ERBB4: variants seen among roughly 807,000 people sequenced by gnomAD.
ERBB4 encodes the protein erb-b2 receptor tyrosine kinase 4.
A neutral mutation model predicts 158.0 loss-of-function variants in ERBB4; 42 were observed. That is an observed-to-expected ratio of 0.27 (90% CI 0.21 to 0.34). The LOEUF (loss-of-function observed/expected upper bound fraction) is 0.34, where lower values mean the gene tolerates loss of function less well. ERBB4 is among the 10% of genes least tolerant of loss of function. The pLI, the probability that ERBB4 is intolerant of heterozygous loss-of-function variation, is 1.00. For missense variants in ERBB4, 1,333 were observed against 1,624.1 expected (o/e 0.82, Z 3.08); for synonymous variants, 583 against 558.7 (o/e 1.04, Z -0.61).
chr2:211,807,390 G>A (rs984994563), intron 3 of ERBB4, among the ~76,000 whole-genome samples: 3 of 152,104 alleles, frequency 2.0e-5, no homozygotes, highest in African/African-American at 7.2e-5. Flanking sequence ...GAGAACACGC[G>A]ATGTTTGGTT....
chr2:211,567,238 G>A (rs1396865193), intron 19 of ERBB4, among the ~76,000 whole-genome samples: 3 of 152,076 alleles, frequency 2.0e-5, no homozygotes, highest in Non-Finnish European at 2.9e-5. Context: ...GTACTGTTAC[G>A]ACAGTAGAAA....
At chr2:211,907,929 A>G (rs973486362) in intron 3 of ERBB4, among the ~76,000 whole-genome samples, 17 of 151,872 alleles carry the variant, frequency 1.1e-4, no homozygotes, top group African/African-American at 3.9e-4. Context: ...AGCATGTTTT[A>G]TCTTGCAGAG....
chr2:211,537,229 T>C (rs1036513931), intron 20 of ERBB4, among the ~76,000 whole-genome samples: 19 of 152,034 alleles, frequency 1.2e-4, no homozygotes, highest in African/African-American at 4.6e-4. Context: ...AAAGATATTA[T>C]GCATTTTTCC....
At chr2:212,515,049 A>C (rs567662309) in intron 1 of ERBB4, among the ~76,000 whole-genome samples, 12 of 152,344 alleles carry the variant, frequency 7.9e-5, no homozygotes, top group African/African-American at 2.6e-4. Context: ...TATAATAGGA[A>C]ATATAAAATG....
chr2:211,465,246 G>A (rs1288043103), intron 20 of ERBB4, among the ~76,000 whole-genome samples: 1 of 151,592 alleles, frequency 6.6e-6, no homozygotes, highest in East Asian at 1.9e-4. Flanking sequence ...TAGGTGAGAG[G>A]CTATCTTGAA....
At chr2:212,027,831 T>A (rs190919420) in intron 2 of ERBB4, among the ~76,000 whole-genome samples, 39 of 152,272 alleles carry the variant, frequency 2.6e-4, no homozygotes, top group African/African-American at 9.4e-4. Context: ...TTTATTTTTT[T>A]TTCAATATTT....
chr2:211,588,136 A>G (rs1054043918), intron 19 of ERBB4, among the ~76,000 whole-genome samples: 3 of 152,178 alleles, frequency 2.0e-5, no homozygotes, highest in Non-Finnish European at 2.9e-5. Flanking sequence ...CTTTTTGTGT[A>G]TTAAGAAGAA....
chr2:211,928,245 G>A (rs2080072810), intron 3 of ERBB4, among the ~76,000 whole-genome samples: 1 of 152,092 alleles, frequency 6.6e-6, no homozygotes, highest in Non-Finnish European at 1.5e-5. Context: ...TCATCTGTAT[G>A]TAGGATTATA....
chr2:211,428,802 C>G (rs1366908310), intron 21 of ERBB4, among the ~76,000 whole-genome samples: 1 of 152,160 alleles, frequency 6.6e-6, no homozygotes, highest in Non-Finnish European at 1.5e-5. Context: ...ACTGCAATCT[C>G]TGCCTACCAG....
At chr2:211,612,952 G>A (rs1185711653) in intron 19 of ERBB4, among the ~76,000 whole-genome samples, 2 of 151,944 alleles carry the variant, frequency 1.3e-5, no homozygotes, top group African/African-American at 2.4e-5. Context: ...GGGACAATAG[G>A]GTGGATACAG....
intron 1 of ERBB4, among the ~76,000 whole-genome samples, chr2:212,354,673 A>C (rs1472666536): frequency 6.6e-6 from 1 of 152,124 alleles, no homozygotes; most frequent in Non-Finnish European, 1.5e-5. Context: ...ATTGTTCTTG[A>C]AAACCAACAC....
intron 2 of ERBB4, among the ~76,000 whole-genome samples, chr2:212,048,984 G>A (rs2077330330): frequency 6.6e-6 from 1 of 152,158 alleles, no homozygotes; most frequent in Non-Finnish European, 1.5e-5. Flanking sequence ...TGCAATCTGG[G>A]CACACACCTT....
intron 1 of ERBB4, among the ~76,000 whole-genome samples, chr2:212,226,362 A>G (rs2083468145): frequency 6.7e-6 from 1 of 150,162 alleles, no homozygotes; most frequent in African/African-American, 2.4e-5. Context: ...GGATCTAGCC[A>G]TGCTATACCT....
intron 20 of ERBB4, among the ~76,000 whole-genome samples, chr2:211,546,748 C>A (rs1341331804): frequency 6.6e-6 from 1 of 152,032 alleles, no homozygotes; most frequent in East Asian, 1.9e-4. Flanking sequence ...TTGTACAAAT[C>A]CATAGAGGAT....
intron 1 of ERBB4, among the ~76,000 whole-genome samples, chr2:212,221,774 T>G (rs1044310242): frequency 7.9e-5 from 12 of 151,546 alleles, no homozygotes; most frequent in Admixed American, 2.0e-4. Context: ...CTACTACTAT[T>G]CCTTGATGCT....
At chr2:212,365,296 T>C (rs1207801394) in intron 1 of ERBB4, among the ~76,000 whole-genome samples, 2 of 151,764 alleles carry the variant, frequency 1.3e-5, no homozygotes, top group Non-Finnish European at 1.5e-5. Flanking sequence ...TCTTTTTACA[T>C]TGACTAACGT....
chr2:212,451,487 A>G (rs903213664), intron 1 of ERBB4, among the ~76,000 whole-genome samples: 2 of 152,204 alleles, frequency 1.3e-5, no homozygotes, highest in African/African-American at 4.8e-5. Context: ...CTGTCCTCAT[A>G]TGTTTTGATG....
At chr2:211,891,695 A>C (rs1472361924) in intron 3 of ERBB4, among the ~76,000 whole-genome samples, 1,455 of 98,358 alleles carry the variant, frequency 0.015, no homozygotes, top group African/African-American at 0.019. Context: ...GAAGAATCAA[A>C]TAGACACAAT....
intron 19 of ERBB4, among the ~76,000 whole-genome samples, chr2:211,602,831 G>A (rs545099772): frequency 6.6e-6 from 1 of 152,102 alleles, no homozygotes; most frequent in Admixed American, 6.6e-5. Flanking sequence ...GAGAAGCAAA[G>A]GGGGATTCTG....
Sources: gnomAD v4.1 joint callset for allele counts (sites outside exome capture counted in the v4.1 genomes callset) on GRCh38, gnomAD v4.1.1 for gene constraint, MANE v1.5 for transcripts, NCBI Gene and HGNC (gene_info 2026-07-23, HGNC 2026-07-21) for gene names.